The following DNER variants were observed in gnomAD, a reference collection of about 807,000 sequenced individuals.
The protein encoded by DNER is delta/notch like EGF repeat containing.
DNER carries 33 observed loss-of-function variants against 78.2 expected under a neutral mutation model. That is an observed-to-expected ratio of 0.42 (90% CI 0.32 to 0.56). DNER has a LOEUF of 0.56. Ranked by LOEUF, DNER falls within the 20% of genes least tolerant of loss-of-function variation. DNER has a pLI of 0.11. For synonymous variants in DNER, 417 were observed against 384.8 expected (o/e 1.08, Z -0.98); for missense variants, 918 against 975.3 (o/e 0.94, Z 0.78).
chr2:229,658,092 G>A (rs1861613), intron 1 of DNER, among the ~76,000 whole-genome samples: 141,352 of 152,260 alleles, frequency 0.93, 65,740 homozygotes, highest in East Asian at 0.99. Context: ...AGATAAAAAT[G>A]CTAGAAAGAC....
At chr2:229,431,485 T>TC (rs1196626464) in intron 8 of DNER, among the ~76,000 whole-genome samples, 1 of 152,032 alleles carries the variant, frequency 6.6e-6, no homozygotes, top group Non-Finnish European at 1.5e-5. Flanking sequence ...AAAATCAATC[T>TC]CTTCACAATG....
chr2:229,508,605 G>A (rs1470807165), intron 6 of DNER, among the ~76,000 whole-genome samples: 1 of 152,126 alleles, frequency 6.6e-6, no homozygotes, highest in Non-Finnish European at 1.5e-5. Context: ...AAACAGGCTG[G>A]GCGCGGTGGC....
chr2:229,473,156 C>A (rs533379625), intron 7 of DNER, among the ~76,000 whole-genome samples: 1 of 152,338 alleles, frequency 6.6e-6, no homozygotes, highest in African/African-American at 2.4e-5. Context: ...GGGAAAACCC[C>A]ATTTTAACAG....
chr2:229,698,593 G>A (rs1462138103), intron 1 of DNER, among the ~76,000 whole-genome samples: 5 of 152,106 alleles, frequency 3.3e-5, no homozygotes, highest in African/African-American at 9.7e-5. Flanking sequence ...TTGGCATCAC[G>A]CTGTTAAGTT....
At chr2:229,696,885 T>A (rs1038194923) in intron 1 of DNER, among the ~76,000 whole-genome samples, 16 of 152,178 alleles carry the variant, frequency 1.1e-4, no homozygotes, top group Non-Finnish European at 1.5e-4. Context: ...CCAGGGGGGA[T>A]CCTGGGGCTC....
chr2:229,706,658 CT>C (rs1559216244), intron 1 of DNER, among the ~76,000 whole-genome samples: 1 of 152,228 alleles, frequency 6.6e-6, no homozygotes, highest in African/African-American at 2.4e-5. Flanking sequence ...ACAGACAACA[CT>C]TACGCAAACG....
intron 1 of DNER, among the ~76,000 whole-genome samples, chr2:229,669,359 T>G (rs1435869504): frequency 2.1e-5 from 3 of 144,104 alleles, no homozygotes; most frequent in East Asian, 1.9e-4. Flanking sequence ...AGAACTTTTA[T>G]GTATACATAC....
Position 229,681,298 on chromosome 2 carries a change from C to T in DNER, c.276+32850G>A, listed in dbSNP as rs375135362. Among the ~76,000 whole-genome samples, 3 of 152,306 alleles carry T rather than the reference C, an allele frequency of 2.0e-5. No homozygotes were observed. In the East Asian group the frequency reaches 5.8e-4, roughly 29 times the overall value. ...GGAATGCTTGAGAAACAATAGACCA[C>T]CCCAAGGTTCTAACACTTAAGTCCT... On this transcript the variant is annotated intron_variant, in intron 1 of 12. Transcript: ENST00000341772.
intron 6 of DNER, among the ~76,000 whole-genome samples, chr2:229,509,164 C>T (rs1648145265): frequency 6.6e-6 from 1 of 152,128 alleles, no homozygotes; most frequent in Non-Finnish European, 1.5e-5. Context: ...ATTCTGTGCA[C>T]ATAAAATCCT....
chr2:229,704,261 A>C (rs944822116), intron 1 of DNER, among the ~76,000 whole-genome samples: 1 of 152,246 alleles, frequency 6.6e-6, no homozygotes, highest in African/African-American at 2.4e-5. Flanking sequence ...ATGGGAATGC[A>C]ATGGTACACC....
At chr2:229,442,276 G>A (rs1694251036) in intron 8 of DNER, among the ~76,000 whole-genome samples, 1 of 152,188 alleles carries the variant, frequency 6.6e-6, no homozygotes, top group South Asian at 2.1e-4. Context: ...AGCACTTTGG[G>A]AGGCCAAGGC....
chr2:229,667,819 G>C (rs1274319012), intron 1 of DNER, among the ~76,000 whole-genome samples: 2 of 152,222 alleles, frequency 1.3e-5, no homozygotes, highest in African/African-American at 4.8e-5. Flanking sequence ...AGGAAGGATA[G>C]TGGTAGGTTT....
chr2:229,604,680 T>A (rs1189426288), intron 1 of DNER, among the ~76,000 whole-genome samples: 1 of 152,222 alleles, frequency 6.6e-6, no homozygotes, highest in Non-Finnish European at 1.5e-5. Context: ...TGCTCTCTTT[T>A]CAGCTTTTCT....
chr2:229,507,890 T>C (rs1695777628), intron 6 of DNER, among the ~76,000 whole-genome samples: 1 of 152,194 alleles, frequency 6.6e-6, no homozygotes, highest in Admixed American at 6.5e-5. Context: ...AAGTAAAGTT[T>C]GAGAAATATA....
chr2:229,646,373 A>G (rs1346084334), intron 1 of DNER, among the ~76,000 whole-genome samples: 2 of 152,240 alleles, frequency 1.3e-5, no homozygotes, highest in Non-Finnish European at 1.5e-5. Context: ...TGCAATGCAA[A>G]AATATATAAT....
chr2:229,589,790 A>G (rs536024093), intron 2 of DNER, among the ~76,000 whole-genome samples: 2 of 152,198 alleles, frequency 1.3e-5, no homozygotes, highest in African/African-American at 4.8e-5. Context: ...AAGCATTAAC[A>G]TCATAACTTC....
At chr2:229,394,453 A>C (rs1379007306) in intron 10 of DNER, among the ~76,000 whole-genome samples, 2 of 152,206 alleles carry the variant, frequency 1.3e-5, no homozygotes, top group African/African-American at 4.8e-5. Flanking sequence ...TCAGCCTCTC[A>C]GCTTCCTCAG....
chr2:229,503,613 C>A (rs1209537291), intron 6 of DNER, among the ~76,000 whole-genome samples: 1 of 152,154 alleles, frequency 6.6e-6, no homozygotes, highest in African/African-American at 2.4e-5. Flanking sequence ...AAAAAGGAAG[C>A]CTGCAAACCC....
intron 7 of DNER, among the ~76,000 whole-genome samples, chr2:229,448,739 A>G (rs765674383): frequency 3.9e-5 from 6 of 152,198 alleles, no homozygotes; most frequent in Non-Finnish European, 8.8e-5. Context: ...ATAAAACTAT[A>G]CTTCTTTCAA....
Sources: gnomAD v4.1 joint callset for allele counts (sites outside exome capture counted in the v4.1 genomes callset) on GRCh38, gnomAD v4.1.1 for gene constraint, MANE v1.5 for transcripts, NCBI Gene and HGNC (gene_info 2026-07-23, HGNC 2026-07-21) for gene names.